The following SEZ6L variants were observed in gnomAD, a reference collection of about 807,000 sequenced individuals.
SEZ6L encodes the protein seizure related 6 homolog like.
Under a neutral mutation model 106.2 loss-of-function variants are expected in SEZ6L, and 37 were observed. The ratio of observed to expected loss-of-function variants is 0.35; its 90% CI spans 0.27 to 0.46. The LOEUF (loss-of-function observed/expected upper bound fraction) is 0.46. Among genes scored for constraint, SEZ6L ranks in the 20% least tolerant of loss-of-function variants. SEZ6L has a pLI of 1.00. For synonymous variants in SEZ6L, 541 were observed against 570.4 expected, an observed-to-expected ratio of 0.95 and a Z score of 0.73; for missense variants, 1,172 against 1,332.8, an observed-to-expected ratio of 0.88 and a Z score of 1.88.
At chr22:26,266,029 G>C (rs1312694383) in intron 1 of SEZ6L, among the ~76,000 whole-genome samples, 2 of 152,160 alleles carry the variant, frequency 1.3e-5, no homozygotes, top group Non-Finnish European at 2.9e-5. Flanking sequence ...TGCCATCATG[G>C]ACATGAGCTG....
Position 26,382,092 on chromosome 22 carries a change from T to G in SEZ6L, c.*1797T>G. 1 of 516,424 alleles carries G rather than the reference T, an allele frequency of 1.9e-6. No homozygotes were observed. The highest frequency in any genetic ancestry group is 3.9e-6 in the Non-Finnish European group (1 of 258,496). 32.0% of individuals were successfully genotyped at this position (516,424 alleles called of 1,614,324 possible). On this transcript the variant is annotated 3_prime_UTR_variant, in exon 17 of 17. Coordinates refer to ENST00000248933, the MANE Select transcript of SEZ6L (RefSeq NM_021115.5). ...ATATTTTCCTTCTGCCAGAAAAGAA[T>G]CTTGCACATATACTCCTGAAGGCAT...
intron 9 of SEZ6L, among the ~76,000 whole-genome samples, chr22:26,320,487 A>G (rs547219370): frequency 6.6e-6 from 1 of 152,354 alleles, no homozygotes; most frequent in Admixed American, 6.5e-5. Context: ...AGTTTTAATC[A>G]TCATGGACAT....
chr22:26,275,324 C>T lies in SEZ6L; in HGVS notation c.95-17082C>T, dbSNP rs527794551. 2.6e-5 allele frequency among the ~76,000 whole-genome samples: 4 copies of T among 152,276 alleles called. No homozygotes were observed. The East Asian group carries it at 7.7e-4, about 29-fold the overall frequency. Reference sequence around the variant, plus strand: ...ATTTGTGTTAGATGATTTTGCCTAACTGTAGGCCTATGTAAGTGTTCTGAG... The same window carrying T: ...ATTTGTGTTAGATGATTTTGCCTAATTGTAGGCCTATGTAAGTGTTCTGAG... On this transcript the variant is annotated intron_variant, in intron 1 of 16. Transcript: ENST00000248933.
intron 5 of SEZ6L, among the ~76,000 whole-genome samples, chr22:26,299,443 C>G (rs76415418): frequency 0.038 from 5,809 of 152,306 alleles, 166 homozygotes; most frequent in Admixed American, 0.068. Flanking sequence ...CAAATGGAAA[C>G]ACTGTACAGA....
Position 26,299,103 on chromosome 22 carries a change from G to A in SEZ6L, c.1282G>A (p.Ala428Thr), listed in dbSNP as rs546700393. Reference sequence around the variant, plus strand: ...CCACCTGGGCTATGAGCTCCAGGGCGCTAAGATGCTGACATGCATCAATGC... The same window carrying A: ...CCACCTGGGCTATGAGCTCCAGGGCACTAAGATGCTGACATGCATCAATGC... ...HCHLGYELQG[A>T]KMLTCINASK... is the part of the protein sequence containing the mutation. Residue 428 changes from alanine (A) to threonine (T), a missense_variant, in exon 5 of 17, where the codon GCT becomes ACT. By Grantham distance (58) the Ala-to-Thr change is moderately conservative. Transcript: ENST00000248933. 6.3e-5 allele frequency: 101 copies of A among 1,604,914 alleles called. No individual in the cohort carries two copies. In the South Asian group the frequency reaches 9.2e-4, roughly 15 times the overall value.
At chr22:26,190,096 A>T (rs1237003706) in intron 1 of SEZ6L, among the ~76,000 whole-genome samples, 2 of 142,222 alleles carry the variant, frequency 1.4e-5, no homozygotes, top group African/African-American at 2.6e-5. Flanking sequence ...GACTGTGTCT[A>T]AAAAAAAAAA....
At chr22:26,375,089 G>C (rs954658150) in intron 14 of SEZ6L, among the ~76,000 whole-genome samples, 1 of 151,978 alleles carries the variant, frequency 6.6e-6, no homozygotes, top group Non-Finnish European at 1.5e-5. Flanking sequence ...GAATCCCTTA[G>C]AAACCTTGCG....
intron 1 of SEZ6L, among the ~76,000 whole-genome samples, chr22:26,272,730 CATGAGT>C (rs1197423867): frequency 6.6e-5 from 10 of 152,258 alleles, no homozygotes; most frequent in African/African-American, 2.4e-4. Flanking sequence ...TGAATGAATT[CATGAGT>C]GAATTCATTT....
intron 1 of SEZ6L, among the ~76,000 whole-genome samples, chr22:26,242,100 T>C (rs1424894692): frequency 1.3e-5 from 2 of 152,184 alleles, no homozygotes; most frequent in Non-Finnish European, 2.9e-5. Context: ...CAAACAGCTG[T>C]CAGTGAAGCT....
intron 1 of SEZ6L, among the ~76,000 whole-genome samples, chr22:26,268,253 GTC>G (rs1247238384): frequency 6.6e-6 from 1 of 152,164 alleles, no homozygotes; most frequent in African/African-American, 2.4e-5. Flanking sequence ...CTCAGATCTT[GTC>G]TCTCTTTCTG....
At chr22:26,361,040 A>G (rs1023987737) in intron 12 of SEZ6L, among the ~76,000 whole-genome samples, 1 of 152,212 alleles carries the variant, frequency 6.6e-6, no homozygotes, top group Non-Finnish European at 1.5e-5. Context: ...GCGGCTTTAA[A>G]CAGTGTCCAG....
At chr22:26,224,352 G>C (rs1388566803) in intron 1 of SEZ6L, among the ~76,000 whole-genome samples, 1 of 152,224 alleles carries the variant, frequency 6.6e-6, no homozygotes, top group Non-Finnish European at 1.5e-5. Context: ...GGCAGGGCCT[G>C]GCTCAGCTTC....
At chr22:26,319,177 C>T (rs1377758919) in intron 9 of SEZ6L, among the ~76,000 whole-genome samples, 1 of 152,204 alleles carries the variant, frequency 6.6e-6, no homozygotes, top group Non-Finnish European at 1.5e-5. Flanking sequence ...AATTCCATTG[C>T]TTCTACTCAA....
rs139740151 is a variant in SEZ6L at position 26,249,538 on chromosome 22, G to A, written c.95-42868G>A. Among the ~76,000 whole-genome samples, 489 of 152,230 alleles carry A rather than the reference G, an allele frequency of 3.2e-3. 1 individual carries two copies. The highest frequency in any genetic ancestry group is 0.011 in the African/African-American group (443 of 41,548). Reference sequence around the variant, plus strand: ...GAATAGTATTCGTGTGTGTGTGTGTGTATGTGTGTCCATTTCTTGGATTTT... The same window carrying A: ...GAATAGTATTCGTGTGTGTGTGTGTATATGTGTGTCCATTTCTTGGATTTT... On this transcript the variant is annotated intron_variant, in intron 1 of 16. Transcript: ENST00000248933.
intron 9 of SEZ6L, among the ~76,000 whole-genome samples, chr22:26,320,845 C>G (rs556495217): frequency 6.6e-6 from 1 of 152,096 alleles, no homozygotes; most frequent in Non-Finnish European, 1.5e-5. Context: ...TGGGAGGGTG[C>G]GGGGGAGAGC....
chr22:26,366,490 T>C (rs879935919), intron 13 of SEZ6L, among the ~76,000 whole-genome samples: 10 of 152,116 alleles, frequency 6.6e-5, no homozygotes, highest in Admixed American at 6.5e-4. Flanking sequence ...GCCGGGGAGT[T>C]TGAGACCAGC....
chr22:26,185,332 G>A (rs134761), intron 1 of SEZ6L, among the ~76,000 whole-genome samples: 107,028 of 152,080 alleles, frequency 0.7, 39,309 homozygotes, highest in African/African-American at 0.92. Context: ...AGACCACCCA[G>A]TGAGAGTCAG....
chr22:26,175,681 G>A (rs1938942664), intron 1 of SEZ6L, among the ~76,000 whole-genome samples: 1 of 152,090 alleles, frequency 6.6e-6, no homozygotes, highest in African/African-American at 2.4e-5. Context: ...GGTTGACACC[G>A]AGATTATGTG....
intron 6 of SEZ6L, among the ~76,000 whole-genome samples, chr22:26,307,891 C>CA (rs1398790134): frequency 6.6e-6 from 1 of 152,106 alleles, no homozygotes; most frequent in East Asian, 1.9e-4. Flanking sequence ...TAAGTCCTGA[C>CA]AAATGGGCCC....
Sources: allele counts gnomAD v4.1 joint callset (sites outside exome capture counted in the v4.1 genomes callset), GRCh38; gene constraint gnomAD v4.1.1; transcripts MANE v1.5; gene names NCBI Gene and HGNC (gene_info 2026-07-23, HGNC 2026-07-21).